The following KHDRBS1 variants were observed in gnomAD, a reference collection of about 807,000 sequenced individuals.
The protein encoded by KHDRBS1 is KH domain-containing, RNA-binding, signal transduction-associated protein 1.
In KHDRBS1, 7 loss-of-function variants were observed where a neutral mutation model predicts 48.4. That is an observed-to-expected ratio of 0.14 (90% CI 0.08 to 0.27). KHDRBS1 has a LOEUF of 0.27. Ranked by LOEUF, KHDRBS1 falls within the 10% of genes least tolerant of loss-of-function variation. The pLI is 1.00. For synonymous variants in KHDRBS1, 241 were observed against 235.8 expected, an observed-to-expected ratio of 1.02 and a Z score of -0.20; for missense variants, 458 against 601.2, an observed-to-expected ratio of 0.76 and a Z score of 2.49.
intron 8 of KHDRBS1, among the ~76,000 whole-genome samples, chr1:32,041,566 G>C (rs1344335757): frequency 1.3e-5 from 2 of 151,196 alleles, no homozygotes; most frequent in Non-Finnish European, 3.0e-5. Flanking sequence ...ACTTAAGAAA[G>C]GAGATAAGGA....
At chr1:32,038,262 TGTA>T (rs1434409566) in intron 6 of KHDRBS1, 1 of 721,480 alleles carries the variant, frequency 1.4e-6, no homozygotes, top group South Asian at 2.0e-5. Context: ...TGTACTTTAA[TGTA>T]GTATTTTATA....
chr1:32,036,220 G>A (rs1466870408), intron 4 of KHDRBS1, among the ~76,000 whole-genome samples: 10 of 143,528 alleles, frequency 7.0e-5, no homozygotes, highest in East Asian at 4.1e-4. Context: ...CGCCCAGGCC[G>A]GACTGCAGTG....
intron 1 of KHDRBS1, among the ~76,000 whole-genome samples, chr1:32,025,292 CTTTTTTTTTTT>C (rs576339772): frequency 4.3e-5 from 4 of 92,086 alleles, no homozygotes; most frequent in South Asian, 4.8e-4. Flanking sequence ...TCGGCTCCTC[CTTTTTTTTTTT>C]TTTTTTTTTT....
chr1:32,035,711 C>T (rs903609621), intron 4 of KHDRBS1, among the ~76,000 whole-genome samples: 1 of 152,200 alleles, frequency 6.6e-6, no homozygotes, highest in African/African-American at 2.4e-5. Flanking sequence ...GTTTCTTGTT[C>T]GTCCCAAACA....
chr1:32,045,695 A>G (rs1639348197), downstream of KHDRBS1, among the ~76,000 whole-genome samples: 1 of 152,220 alleles, frequency 6.6e-6, no homozygotes, highest in African/African-American at 2.4e-5. Context: ...AATGTAAATG[A>G]AAAAGACTTT....
At chr1:32,027,821 A>T (rs1323092020) in intron 1 of KHDRBS1, among the ~76,000 whole-genome samples, 1 of 152,198 alleles carries the variant, frequency 6.6e-6, no homozygotes, top group African/African-American at 2.4e-5. Context: ...TATTTATTTT[A>T]AAAACTGTTA....
intron 8 of KHDRBS1, among the ~76,000 whole-genome samples, chr1:32,040,250 C>T (rs1012365104): frequency 2.0e-5 from 3 of 151,988 alleles, no homozygotes; most frequent in African/African-American, 7.3e-5. Context: ...CCTGTCTCTA[C>T]TAAAAATACA....
downstream of KHDRBS1, chr1:32,045,316 T>C (rs1477700235): frequency 6.6e-6 from 1 of 152,660 alleles, no homozygotes; most frequent in African/African-American, 2.4e-5. Flanking sequence ...TGATCTGTTA[T>C]TTCTCCATTT....
At chr1:32,052,714 A>G (rs1329914684) in intron 10 of KHDRBS1, 1 of 152,038 alleles carries the variant, frequency 6.6e-6, no homozygotes, top group African/African-American at 2.4e-5. Flanking sequence ...TTCTTTTCAC[A>G]TCAAGTACAA....
At chr1:32,060,397 A>G (rs1231623663) in exon 11 of KHDRBS1, 1 of 152,236 alleles carries the variant, frequency 6.6e-6, no homozygotes. Context: ...ACTGTTCAAG[A>G]CTTTAAAGAG....
intron 10 of KHDRBS1, among the ~76,000 whole-genome samples, chr1:32,053,848 C>T (rs1225951660): frequency 6.6e-6 from 1 of 152,038 alleles, no homozygotes; most frequent in Admixed American, 6.6e-5. Context: ...TTTGGGAGGC[C>T]GAGGTGGGCG....
chr1:32,038,689 AT>A, intron 7 of KHDRBS1, 70 bp downstream of exon 7: 1 of 1,445,892 alleles, frequency 6.9e-7, no homozygotes, highest in Non-Finnish European at 9.7e-7. Flanking sequence ...GAACAGAGAG[AT>A]TTAGACAGTA....
chr1:32,026,740 G>A (rs184469308), intron 1 of KHDRBS1, among the ~76,000 whole-genome samples: 1 of 152,294 alleles, frequency 6.6e-6, no homozygotes, highest in African/African-American at 2.4e-5. Context: ...TAACTCAATG[G>A]TAGCCCTCGG....
chr1:32,048,665 AGTC>A (rs1639382914), downstream of KHDRBS1, among the ~76,000 whole-genome samples: 1 of 152,188 alleles, frequency 6.6e-6, no homozygotes, highest in Admixed American at 6.5e-5. Flanking sequence ...GTGGCAAAGA[AGTC>A]TAGAGTTTTG....
At chr1:32,055,816 C>T (rs1487536975) in intron 10 of KHDRBS1, among the ~76,000 whole-genome samples, 5 of 151,976 alleles carry the variant, frequency 3.3e-5, no homozygotes, top group African/African-American at 1.2e-4. Context: ...GAGACTCAAC[C>T]CTTTTTGGGA....
intron 1 of KHDRBS1, among the ~76,000 whole-genome samples, chr1:32,024,354 A>G (rs1039367322): frequency 2.6e-5 from 4 of 152,096 alleles, no homozygotes; most frequent in African/African-American, 7.2e-5. Flanking sequence ...CTGTCACCCA[A>G]GCTGGAATGC....
chr1:32,021,752 G>A (rs1557890158), intron 1 of KHDRBS1, among the ~76,000 whole-genome samples: 1 of 151,970 alleles, frequency 6.6e-6, no homozygotes, highest in Non-Finnish European at 1.5e-5. Flanking sequence ...AAGTAACTGG[G>A]ATTACAGGCG....
chr1:32,053,194 C>A (rs1639443970), intron 10 of KHDRBS1, among the ~76,000 whole-genome samples: 1 of 151,912 alleles, frequency 6.6e-6, no homozygotes, highest in South Asian at 2.1e-4. Context: ...AAAATAGTTG[C>A]AATAGTGTAT....
chr1:32,045,835 T>C (rs964917763), downstream of KHDRBS1, among the ~76,000 whole-genome samples: 1 of 152,230 alleles, frequency 6.6e-6, no homozygotes, highest in African/African-American at 2.4e-5. Context: ...AAGGACTGGC[T>C]CCTTGGGCAC....
Sources: gnomAD v4.1 joint callset for allele counts (sites outside exome capture counted in the v4.1 genomes callset) on GRCh38, gnomAD v4.1.1 for gene constraint, MANE v1.5 for transcripts, NCBI Gene and HGNC (gene_info 2026-07-23, HGNC 2026-07-21) for gene names.